The following EPM2A variants were observed in gnomAD, a reference collection of about 807,000 sequenced individuals.
EPM2A encodes the protein EPM2A glucan phosphatase, laforin.
Under a neutral mutation model 26.5 loss-of-function variants are expected in EPM2A, and 21 were observed. The ratio of observed to expected loss-of-function variants is 0.79; its 90% CI spans 0.56 to 1.14. The LOEUF (loss-of-function observed/expected upper bound fraction) is 1.14. Among genes scored for constraint, EPM2A ranks in the 50% most tolerant of loss-of-function variants. EPM2A has a pLI of 0.00. For synonymous variants in EPM2A, 217 were observed against 177.6 expected, an observed-to-expected ratio of 1.22 and a Z score of -1.76; for missense variants, 458 against 440.8, an observed-to-expected ratio of 1.04 and a Z score of -0.35.
chr6:145,472,493 A>G (rs796638519), intron 4 of EPM2A, among the ~76,000 whole-genome samples: 9 of 152,148 alleles, frequency 5.9e-5, no homozygotes, highest in African/African-American at 2.2e-4. Flanking sequence ...TGACCTGTGG[A>G]CAGCATTTCT....
chr6:145,424,051 C>T (rs1235714569), intron 4 of EPM2A, among the ~76,000 whole-genome samples: 2 of 152,136 alleles, frequency 1.3e-5, no homozygotes, highest in Non-Finnish European at 2.9e-5. Flanking sequence ...ACTAAGTGAA[C>T]ATAGCATGGG....
chr6:145,524,274 A>G (rs1012447274), intron 2 of EPM2A, among the ~76,000 whole-genome samples: 10 of 152,200 alleles, frequency 6.6e-5, no homozygotes, highest in Non-Finnish European at 1.5e-4. Flanking sequence ...TGGTAGAATG[A>G]TAACTTTTCC....
intron 4 of EPM2A, among the ~76,000 whole-genome samples, chr6:145,460,932 AG>A (rs1779322539): frequency 6.6e-6 from 1 of 152,168 alleles, no homozygotes; most frequent in Non-Finnish European, 1.5e-5. Context: ...AATATCTAAC[AG>A]GAGCATATCG....
intron 2 of EPM2A, among the ~76,000 whole-genome samples, chr6:145,565,783 G>C (rs1015030093): frequency 1.3e-5 from 2 of 152,158 alleles, no homozygotes; most frequent in African/African-American, 4.8e-5. Flanking sequence ...CCTTATCCCT[G>C]AGGGGCTCTG....
intron 1 of EPM2A, among the ~76,000 whole-genome samples, chr6:145,695,998 C>T (rs1781551116): frequency 6.6e-6 from 1 of 152,102 alleles, no homozygotes; most frequent in African/African-American, 2.4e-5. Context: ...ATACACAGAA[C>T]ATCCTCCAGA....
chr6:145,549,690 G>T (rs553456892), intron 2 of EPM2A, among the ~76,000 whole-genome samples: 1 of 152,130 alleles, frequency 6.6e-6, no homozygotes, highest in South Asian at 2.1e-4. Flanking sequence ...AAGGGAAATT[G>T]CTTCTAGGTC....
intron 2 of EPM2A, among the ~76,000 whole-genome samples, chr6:145,552,100 G>T (rs1041886494): frequency 6.6e-6 from 1 of 151,722 alleles, no homozygotes; most frequent in Non-Finnish European, 1.5e-5. Context: ...AAAATAGATT[G>T]AAAGAGAGAA....
intron 3 of EPM2A, among the ~76,000 whole-genome samples, chr6:145,632,709 A>C (rs1776356982): frequency 6.6e-6 from 1 of 152,142 alleles, no homozygotes; most frequent in Non-Finnish European, 1.5e-5. Context: ...GCAGCTCAAA[A>C]CACTTCCAAC....
At chr6:145,667,616 G>C (rs1040496560) in intron 2 of EPM2A, among the ~76,000 whole-genome samples, 15 of 151,126 alleles carry the variant, frequency 9.9e-5, no homozygotes, top group African/African-American at 3.0e-4. Flanking sequence ...CGATTCCTCA[G>C]GGATCTAGAA....
At chr6:145,598,122 G>T (rs1781372487) in intron 2 of EPM2A, among the ~76,000 whole-genome samples, 1 of 152,054 alleles carries the variant, frequency 6.6e-6, no homozygotes, top group Admixed American at 6.5e-5. Flanking sequence ...TGGTAGTTTT[G>T]TTTTTAGCTC....
At position 145,527,939 on chromosome 6, in the gene EPM2A, G is replaced by A. The variant is rs142426823; in HGVS notation, c.341-25364C>T. ...CTAAAAATGCTACTCCAGGGAACAC[G>A]CAAATAACAAAAAAAAAAGTGAAAC... On this transcript the variant is annotated intron_variant, in intron 2 of 3. Coordinates refer to the EPM2A transcript ENST00000450221. 1.7e-3 allele frequency among the ~76,000 whole-genome samples: 265 copies of A among 151,872 alleles called. 1 individual carries two copies. The highest frequency in any genetic ancestry group is 6.1e-3 in the African/African-American group (251 of 41,444).
chr6:145,574,880 C>T (rs1219438052), intron 2 of EPM2A, among the ~76,000 whole-genome samples: 1 of 152,218 alleles, frequency 6.6e-6, no homozygotes, highest in African/African-American at 2.4e-5. Flanking sequence ...CATTATTCCA[C>T]ACCCTTAATA....
At chr6:145,486,883 A>C (rs1363883193) in intron 4 of EPM2A, among the ~76,000 whole-genome samples, 4 of 152,084 alleles carry the variant, frequency 2.6e-5, no homozygotes, top group Non-Finnish European at 5.9e-5. Flanking sequence ...CAGGATGCGC[A>C]GGTTTGTTAT....
chr6:145,729,918 G>A (rs2128644712), intron 1 of EPM2A, among the ~76,000 whole-genome samples: 1 of 152,274 alleles, frequency 6.6e-6, no homozygotes. Flanking sequence ...CTGGTGGAAG[G>A]TGATTAAATC....
At chr6:145,471,665 C>G (rs1334710094) in intron 4 of EPM2A, among the ~76,000 whole-genome samples, 1 of 152,142 alleles carries the variant, frequency 6.6e-6, no homozygotes. Flanking sequence ...GAAAACCAGA[C>G]AAAGTGAGCT....
intron 4 of EPM2A, among the ~76,000 whole-genome samples, chr6:145,418,259 A>T (rs1177076360): frequency 1.3e-5 from 2 of 152,228 alleles, no homozygotes; most frequent in Non-Finnish European, 2.9e-5. Flanking sequence ...AAATGGATGC[A>T]AATTCCCACA....
rs939072850 is a variant in EPM2A at position 145,479,815 on chromosome 6, G to A, written c.555+22707C>T. Among the ~76,000 whole-genome samples, 11 of 151,914 alleles carry A rather than the reference G, an allele frequency of 7.2e-5. No individual in the cohort carries two copies. The South Asian group carries it at 8.3e-4, about 11-fold the overall frequency. On this transcript the variant is annotated intron_variant, in intron 4 of 4. Coordinates refer to the EPM2A transcript ENST00000638717. ...GTCATATGACAATCCCATGTTTAGC[G>A]TTTTGAAGGACCACCAACTATTTTC...
At chr6:145,410,502 GT>G (rs1157317421) in intron 4 of EPM2A, among the ~76,000 whole-genome samples, 6 of 152,156 alleles carry the variant, frequency 3.9e-5, no homozygotes, top group Non-Finnish European at 7.4e-5. Flanking sequence ...CATCTTTGGA[GT>G]TATTTAAATT....
intron 1 of EPM2A, among the ~76,000 whole-genome samples, chr6:145,698,627 G>A (rs567891178): frequency 2.6e-5 from 4 of 151,374 alleles, no homozygotes; most frequent in Non-Finnish European, 5.9e-5. Context: ...AAAAAACAAG[G>A]TAAAAGCAAA....
Sources: gnomAD v4.1 joint callset for allele counts (sites outside exome capture counted in the v4.1 genomes callset) on GRCh38, gnomAD v4.1.1 for gene constraint, MANE v1.5 for transcripts, NCBI Gene and HGNC (gene_info 2026-07-23, HGNC 2026-07-21) for gene names.